Variants in PODNL1 observed in about 807,000 individuals in gnomAD.
The protein encoded by PODNL1 is podocan like 1, also known as podocan-like protein 1.
Under a neutral mutation model 45.1 loss-of-function variants are expected in PODNL1, and 50 were observed. The observed-to-expected ratio is 1.11, with a 90% CI of 0.88 to 1.40. The LOEUF (loss-of-function observed/expected upper bound fraction) is 1.40, where lower values mean the gene tolerates loss of function less well. Ranked by LOEUF, PODNL1 falls within the 40% of genes most tolerant of loss-of-function variation. The pLI is 0.00. For synonymous variants in PODNL1, 406 were observed against 372.5 expected (o/e 1.09, Z -1.04); for missense variants, 788 against 793.3 (o/e 0.99, Z 0.08).
chr19:13,938,659 G>A (rs1972539700), upstream of PODNL1, among the ~76,000 whole-genome samples: 1 of 152,094 alleles, frequency 6.6e-6, no homozygotes, highest in South Asian at 2.1e-4. Context: ...AGCTTAGCCT[G>A]GCAGCCCAGA....
At chr19:13,950,680 A>G (rs958080932) in intron 1 of PODNL1, among the ~76,000 whole-genome samples, 18 of 152,166 alleles carry the variant, frequency 1.2e-4, no homozygotes, top group Non-Finnish European at 1.9e-4. Flanking sequence ...AGGTGTCCCC[A>G]CTGTCTTGGA....
intron 8 of PODNL1, chr19:13,932,394 C>G (rs1314551744): frequency 1.9e-6 from 1 of 522,244 alleles, no homozygotes; most frequent in African/African-American, 1.9e-5. Flanking sequence ...CAGGGTCTTG[C>G]TCTGTTGCCC....
chr19:13,937,973 C>T lies in PODNL1; in HGVS notation c.37G>A (p.Gly13Arg), dbSNP rs1170866536. 5 of 1,540,606 alleles carry T rather than the reference C, an allele frequency of 3.2e-6. No individual in the cohort carries two copies. The highest frequency in any genetic ancestry group is 3.9e-5 in the Admixed American group (2 of 50,668). Residue 13 changes from glycine (G) to arginine (R), a missense_variant, in exon 2 of 10, where the codon GGG (glycine) becomes AGG (arginine). Physicochemically the swap from Gly to Arg is moderately radical, Grantham distance 125. Transcript: ENST00000588872. ...TCCAAGCCGGCGACGGGCGGGGGCC[C>T]CGGCAACAGCAGGAGCAGCAGCAGG... ...PSLLLLLLLP[G>R]PPPVAGLEDA...
At chr19:13,952,082 C>A (rs1389478557) in intron 1 of PODNL1, among the ~76,000 whole-genome samples, 2 of 152,206 alleles carry the variant, frequency 1.3e-5, no homozygotes, top group African/African-American at 4.8e-5. Context: ...GGCCTTTGCC[C>A]ACCTGGACCG....
intron 6 of PODNL1, 46 bp downstream of exon 6, chr19:13,934,208 G>C: frequency 6.7e-7 from 1 of 1,482,216 alleles, no homozygotes; most frequent in Non-Finnish European, 8.9e-7. Flanking sequence ...CCCCTGGAAA[G>C]AGGTGAAGAG....
At chr19:13,952,584 A>G in intron 1 of PODNL1, 1 of 1,260,298 alleles carries the variant, frequency 7.9e-7, no homozygotes, top group Non-Finnish European at 1.0e-6. Flanking sequence ...GGGGAGCCGG[A>G]GGGAAGCGGG....
chr19:13,952,692 G>A (rs1381901400), intron 1 of PODNL1: 4 of 1,299,150 alleles, frequency 3.1e-6, no homozygotes, highest in Non-Finnish European at 3.9e-6. Context: ...GTGGGGAGTA[G>A]GGACGAGGGA....
In PODNL1 at chr19:13,932,989, G is replaced by T. The variant is rs764265421; in HGVS notation, c.1234C>A (p.Gln412Lys). 6.5e-7 allele frequency: 1 copy of T among 1,549,906 alleles called. No homozygotes were observed. Among genetic ancestry groups the T allele is most frequent in the East Asian group, 2.4e-5 (1 of 41,698 alleles). ...AGGCCCATGGGCAGCCGGGTTAGCT[G>T]ATTCCCTGCCAGGTCGAGGCTGCGC... ...ALRSLDLAGN[Q>K]LTRLPMGLPT... The change falls in exon 8 of 10, where the codon CAG (glutamine) becomes AAG (lysine). Residue 412 changes from glutamine to lysine, a missense_variant. Gln to Lys is a moderately conservative substitution (Grantham distance 53). Around this residue, in one of 3 missense-constraint regions of PODNL1, gnomAD observed 762 missense variants for 750.9 expected, o/e 1.01. Transcript: ENST00000588872.
At position 13,950,058 on chromosome 19, in the gene PODNL1, C is replaced by T. The variant is rs144932497; in HGVS notation, c.18+3061G>A. Among the ~76,000 whole-genome samples, 834 of 149,328 alleles carry T rather than the reference C, an allele frequency of 5.6e-3. 4 individuals carry two copies. The highest frequency in any genetic ancestry group is 0.01 in the African/African-American group (425 of 40,706). Reference sequence around the variant, plus strand: ...TAATTTTCTGTATTTTTAGTAGAGACGGGGTTTCACTGTGTTAGCCAGGAT... The same window carrying T: ...TAATTTTCTGTATTTTTAGTAGAGATGGGGTTTCACTGTGTTAGCCAGGAT... On this transcript the variant is annotated intron_variant, in intron 1 of 7. Coordinates refer to the PODNL1 transcript ENST00000538371.
intron 1 of PODNL1, among the ~76,000 whole-genome samples, chr19:13,946,052 A>G (rs1296911908): frequency 6.6e-6 from 1 of 152,024 alleles, no homozygotes; most frequent in Non-Finnish European, 1.5e-5. Context: ...AAAGAAAAGA[A>G]AGGAAATGGT....
rs557489845 is a variant in PODNL1 at position 13,949,875 on chromosome 19, T to TA, written c.18+3243_18+3244insT. Among the ~76,000 whole-genome samples the TA allele has an allele frequency of 4.0e-4, 60 of 151,254 alleles. No individual in the cohort carries two copies. The South Asian group carries it at 5.2e-3, about 13-fold the overall frequency. On this transcript the variant is annotated intron_variant, in intron 1 of 7. Transcript: ENST00000538371. The stretch of plus-strand genomic sequence containing the variant: ...CACTCCGCTAAATTATTTATTTATT[T>TA]TTTTTTTGAGAGTCTTGCTCTGTCA...
chr19:13,932,177 C>T, intron 8 of PODNL1, 65 bp from the exon 9 acceptor site: 4 of 1,236,032 alleles, frequency 3.2e-6, no homozygotes, highest in Non-Finnish European at 4.0e-6. Context: ...CTCAGCCAGC[C>T]CCCAACCTCT....
rs1402593722 is a variant in PODNL1, at chr19:13,931,726, CCT to C, written c.*9_*10del. 4 of 1,231,688 alleles carry C rather than the reference CCT, an allele frequency of 3.2e-6. No individual in the cohort carries two copies. The African/African-American group carries it at 4.7e-5, about 14-fold the overall frequency. The allele number at this position is 1,231,688 out of a possible 1,614,324, so 76.3% of individuals were successfully genotyped here. On this transcript the variant is annotated 3_prime_UTR_variant, in exon 10 of 10. Transcript: ENST00000588872. ...CAGGAGTCTGAGCTGCTCTGCTGGG[CCT>C]CTCTAGGATCAGGGGCCCCCTGCCC...
chr19:13,947,866 T>C (rs1972873230), intron 1 of PODNL1, among the ~76,000 whole-genome samples: 1 of 151,108 alleles, frequency 6.6e-6, no homozygotes, highest in South Asian at 2.1e-4. Flanking sequence ...TTTATTTTTA[T>C]TATTATTTCT....
At chr19:13,936,510 G>T in intron 2 of PODNL1, 50 bp from the exon 3 acceptor site, 2 of 1,478,356 alleles carry the variant, frequency 1.4e-6, no homozygotes, top group South Asian at 2.3e-5. Flanking sequence ...GTGACCAAGT[G>T]ACCCCAAGCA....
At chr19:13,951,362 G>C (rs1568446195) in intron 1 of PODNL1, among the ~76,000 whole-genome samples, 2 of 152,130 alleles carry the variant, frequency 1.3e-5, no homozygotes, top group Non-Finnish European at 2.9e-5. Flanking sequence ...CTGGCCAGGG[G>C]TGGGGGCTCA....
chr19:13,953,067 G>A, intron 1 of PODNL1: 1 of 1,548,326 alleles, frequency 6.5e-7, no homozygotes, highest in Non-Finnish European at 8.7e-7. Context: ...TCCGCCTGAT[G>A]TTCCTCTCCC....
At chr19:13,945,261 A>G (rs1416219002) in intron 1 of PODNL1, among the ~76,000 whole-genome samples, 4 of 152,008 alleles carry the variant, frequency 2.6e-5, no homozygotes, top group Admixed American at 1.3e-4. Flanking sequence ...CTGTAATCCT[A>G]GCTACTCAGG....
At position 13,936,024 on chromosome 19, in the gene PODNL1, CGAA is replaced by C. The variant is rs1972325641; in HGVS notation, c.337_339del (p.Phe113del). The C allele has an allele frequency of 6.4e-7, 1 of 1,551,578 alleles. No individual in the cohort carries two copies. The highest frequency in any genetic ancestry group is 1.4e-5 in the African/African-American group (1 of 73,036). ...AGGTGCTGCAGCTGGGTGAGGGACTCGAAGGCCTCGTCAGGCAGGCCTGGGAGA... is the reference window on the plus strand; with the variant it reads ...AGGTGCTGCAGCTGGGTGAGGGACTCGGCCTCGTCAGGCAGGCCTGGGAGA... On this transcript the variant is annotated inframe_deletion, in exon 4 of 10. Coordinates refer to ENST00000588872, the MANE Select transcript of PODNL1 (RefSeq NM_001370095.3).
Sources: gnomAD v4.1 joint callset for allele counts (sites outside exome capture counted in the v4.1 genomes callset) on GRCh38, gnomAD v4.1.1 for gene constraint, gnomAD v4.1.1 regional missense constraint, MANE v1.5 for transcripts, NCBI Gene and HGNC (gene_info 2026-07-23, HGNC 2026-07-21) for gene names.